TOP2B: variants seen among roughly 807,000 people sequenced by gnomAD.
TOP2B encodes DNA topoisomerase II beta.
A neutral mutation model predicts 193.5 loss-of-function variants in TOP2B; 51 were observed. The observed-to-expected ratio is 0.26, with a 90% CI of 0.21 to 0.33. TOP2B has a LOEUF of 0.33. Ranked by LOEUF, TOP2B falls within the 10% of genes least tolerant of loss-of-function variation. The pLI, the probability that TOP2B is intolerant of heterozygous loss-of-function variation, is 1.00. For synonymous variants in TOP2B, 634 were observed against 635.7 expected, an observed-to-expected ratio of 1.00 and a Z score of 0.04; for missense variants, 1,378 against 1,909.3, an observed-to-expected ratio of 0.72 and a Z score of 5.19.
chr3:25,617,421 A>G (rs1171677380), intron 25 of TOP2B, among the ~76,000 whole-genome samples: 1 of 152,132 alleles, frequency 6.6e-6, no homozygotes, highest in Non-Finnish European at 1.5e-5. Flanking sequence ...TTAATATGTA[A>G]TTGCTATTCT....
At chr3:25,605,965 T>C in intron 32 of TOP2B, 78 bp downstream of exon 32, 2 of 793,506 alleles carry the variant, frequency 2.5e-6, no homozygotes, top group Non-Finnish European at 3.6e-6. Flanking sequence ...AATCATGACC[T>C]AACGATTTAT....
At chr3:25,624,858 T>G in intron 18 of TOP2B, 55 bp from the exon 19 acceptor site, 2 of 1,540,818 alleles carry the variant, frequency 1.3e-6, no homozygotes, top group Non-Finnish European at 1.8e-6. Flanking sequence ...TTGTAACAAT[T>G]CAGGGGAATA....
At chr3:25,648,491 C>T (rs549485568) in intron 1 of TOP2B, among the ~76,000 whole-genome samples, 16 of 152,250 alleles carry the variant, frequency 1.1e-4, no homozygotes, top group Non-Finnish European at 2.1e-4. Flanking sequence ...TTAGCTAAGC[C>T]TTCAAATGCC....
Position 25,664,514 on chromosome 3 carries a change from T to C in TOP2B, c.-217A>G. On this transcript the variant is annotated 5_prime_UTR_variant, in exon 1 of 36. Transcript: ENST00000264331. The stretch of plus-strand genomic sequence containing the variant: ...CTGCCCTCAAACTCGAGGCGCGGCG[T>C]CCGCGTCGCCCGGGCCTAGCGCGGC... 8.6e-7 allele frequency: 1 copy of C among 1,167,394 alleles called. No individual in the cohort carries two copies. Among genetic ancestry groups the C allele is most frequent in the Non-Finnish European group, 1.1e-6 (1 of 947,946 alleles). The allele number at this position is 1,167,394 out of a possible 1,614,324, so 72.3% of individuals were successfully genotyped here. A position where few individuals can be genotyped will look rare whatever the true frequency, so the allele number is the denominator to read the frequency against.
chr3:25,660,403 A>G (rs1703873914), intron 1 of TOP2B, among the ~76,000 whole-genome samples: 1 of 152,212 alleles, frequency 6.6e-6, no homozygotes. Context: ...AAAAATAAAG[A>G]CTTCTGTTTT....
At chr3:25,604,966 C>T (rs974912565) in intron 32 of TOP2B, 96 bp from the exon 33 acceptor site, 3 of 789,980 alleles carry the variant, frequency 3.8e-6, no homozygotes, top group Non-Finnish European at 6.2e-6. Flanking sequence ...TTTAGCTAGA[C>T]AATTGATCTT....
rs775618314 is a variant in TOP2B at position 25,623,649 on chromosome 3, T to A, written c.2593A>T (p.Ile865Leu). 1.9e-6 allele frequency: 3 copies of A among 1,613,694 alleles called. No individual in the cohort carries two copies. Among genetic ancestry groups the A allele is most frequent in the Non-Finnish European group, 1.7e-6 (2 of 1,179,808 alleles). ...QRVEPEWYIP[I>L]IPMVLINGAE... ...CCATTTATTAAAACCATGGGAATTA[T>A]AGGAATATACCACTCAGGCTCTACA... Residue 865 changes from isoleucine to leucine, a missense_variant, in exon 21 of 36, where the codon ATA (isoleucine) becomes TTA (leucine). This residue lies in a region of TOP2B where 379 missense variants were observed against 615.1 expected (regional missense o/e 0.62). Coordinates refer to ENST00000264331, the MANE Select transcript of TOP2B (RefSeq NM_001330700.2).
At chr3:25,624,945 C>T (rs1318592069) in intron 18 of TOP2B, 142 bp from the exon 19 acceptor site, 1 of 748,870 alleles carries the variant, frequency 1.3e-6, no homozygotes. Context: ...TGAGTACATA[C>T]TAACACGTTT....
At chr3:25,661,110 C>A (rs1427872595) in intron 1 of TOP2B, among the ~76,000 whole-genome samples, 2 of 151,448 alleles carry the variant, frequency 1.3e-5, no homozygotes, top group Non-Finnish European at 2.9e-5. Flanking sequence ...AAGCGATTCT[C>A]CTGCCTCAGC....
chr3:25,609,616 C>T lies in TOP2B; in HGVS notation c.3883G>A (p.Val1295Ile). Residue 1295 changes from valine to isoleucine, a missense_variant, in exon 29 of 36, where the codon GTT (valine) becomes ATT (isoleucine). Val to Ile is a conservative substitution (Grantham distance 29). This residue lies in a region of TOP2B where 556 missense variants were observed against 584.2 expected (regional missense o/e 0.95). Coordinates refer to ENST00000264331, the MANE Select transcript of TOP2B (RefSeq NM_001330700.2). ...GGTTTGGGACCTTTATTTATAGGAACTGATGGAGTCAATGCCTCTTCTCCT... is the reference window on the plus strand; with the variant it reads ...GGTTTGGGACCTTTATTTATAGGAATTGATGGAGTCAATGCCTCTTCTCCT... ...GAGEEALTPS[V>I]PINKGPKPKR... 6.3e-7 allele frequency: 1 copy of T among 1,593,880 alleles called. No homozygotes were observed. Among genetic ancestry groups the T allele is most frequent in the Non-Finnish European group, 8.5e-7 (1 of 1,170,548 alleles).
intron 35 of TOP2B, 133 bp from the exon 36 acceptor site, chr3:25,598,610 A>T (rs1701995624): frequency 1.5e-6 from 1 of 649,164 alleles, no homozygotes; most frequent in African/African-American, 1.9e-5. Flanking sequence ...TAGAATCATA[A>T]TGCTAACCTA....
intron 28 of TOP2B, among the ~76,000 whole-genome samples, chr3:25,611,666 T>A (rs376155146): frequency 6.6e-6 from 1 of 152,284 alleles, no homozygotes; most frequent in East Asian, 1.9e-4. Context: ...CAATCCTGCT[T>A]GAGGTTAGGT....
chr3:25,645,057 G>A (rs1039212452), intron 2 of TOP2B, among the ~76,000 whole-genome samples: 2 of 151,398 alleles, frequency 1.3e-5, no homozygotes, highest in Admixed American at 6.6e-5. Context: ...TGATCCACCC[G>A]CCTCGGCCTC....
Position 25,623,700 on chromosome 3 carries a change from T to C in TOP2B, c.2542A>G (p.Lys848Glu). 6.2e-7 allele frequency: 1 copy of C among 1,613,758 alleles called. No homozygotes were observed. Among genetic ancestry groups the C allele is most frequent in the Non-Finnish European group, 8.5e-7 (1 of 1,179,788 alleles). The change falls in exon 21 of 36, where the codon AAG (lysine) becomes GAG (glutamate). Residue 848 changes from lysine (K) to glutamate (E), a missense_variant. This residue lies in a region of TOP2B where 379 missense variants were observed against 615.1 expected (regional missense o/e 0.62). Transcript: ENST00000264331. ...LFPAVDDNLL[K>E]FLYDDNQRVE... ...CGTTGATTATCATCATAAAGGAACT[T>C]AAGGAGGTTGTCATCCACAGCAGGA...
chr3:25,662,487 T>C (rs976745366), intron 1 of TOP2B, among the ~76,000 whole-genome samples: 3 of 152,248 alleles, frequency 2.0e-5, no homozygotes, highest in African/African-American at 7.2e-5. Context: ...CACTAAGTGA[T>C]CTTCACTTCT....
At chr3:25,656,364 T>A (rs1447915708) in intron 1 of TOP2B, among the ~76,000 whole-genome samples, 1 of 152,146 alleles carries the variant, frequency 6.6e-6, no homozygotes, top group Non-Finnish European at 1.5e-5. Flanking sequence ...CTCTGGAGTC[T>A]GAGACCGGAG....
In TOP2B at chr3:25,605,694, C is replaced by G. The variant is rs949798478; in HGVS notation, c.4378+349G>C. The stretch of plus-strand genomic sequence containing the variant: ...CTGGTGCCCTTACAGATTTAGAAAA[C>G]TGTCGTATATACATTCACATTGCCA... On this transcript the variant is annotated intron_variant, in intron 32 of 35. Transcript: ENST00000264331. Among the ~76,000 whole-genome samples the G allele has an allele frequency of 4.6e-5, 7 of 152,158 alleles. No individual in the cohort carries two copies. The South Asian group carries it at 1.0e-3, about 23-fold the overall frequency.
chr3:25,657,188 T>C (rs1224737247), intron 1 of TOP2B, among the ~76,000 whole-genome samples: 2 of 152,130 alleles, frequency 1.3e-5, no homozygotes, highest in East Asian at 3.8e-4. Flanking sequence ...AAACCTGAAA[T>C]AATAGTCTCT....
chr3:25,598,173 G>C lies in TOP2B; in HGVS notation c.*134C>G. 1.1e-6 allele frequency: 1 copy of C among 889,738 alleles called. No individual in the cohort carries two copies. Among genetic ancestry groups the C allele is most frequent in the Non-Finnish European group, 1.7e-6 (1 of 596,888 alleles). 55.1% of individuals were successfully genotyped at this position (889,738 alleles called of 1,614,324 possible). A position where few individuals can be genotyped will look rare whatever the true frequency, so the allele number is the denominator to read the frequency against. On this transcript the variant is annotated 3_prime_UTR_variant, in exon 36 of 36. Coordinates refer to ENST00000264331, the MANE Select transcript of TOP2B (RefSeq NM_001330700.2). ...ATGTGTAAGAACAAAATGTTAAAAG[G>C]CCTACCACAATAATAAAAAACCGTC... is the stretch of plus-strand genomic sequence containing the variant.
Sources: gnomAD v4.1 joint callset for allele counts (sites outside exome capture counted in the v4.1 genomes callset) on GRCh38, gnomAD v4.1.1 for gene constraint, gnomAD v4.1.1 regional missense constraint, MANE v1.5 for transcripts, NCBI Gene and HGNC (gene_info 2026-07-23, HGNC 2026-07-21) for gene names.